The following NHSL1 variants were observed in gnomAD, a reference collection of about 807,000 sequenced individuals.
The protein encoded by NHSL1 is NHS-like protein 1.
In NHSL1, 48 loss-of-function variants were observed where a neutral mutation model predicts 95.0. The ratio of observed to expected loss-of-function variants is 0.51; its 90% confidence interval spans 0.40 to 0.64. NHSL1 has a LOEUF of 0.64. NHSL1 is among the 30% of genes least tolerant of loss of function. The probability of loss-of-function intolerance (pLI) is 0.00; values close to 1 mark genes in which losing one functional copy is unlikely to be tolerated. For synonymous variants in NHSL1, 783 were observed against 833.9 expected (o/e 0.94, Z 1.05); for missense variants, 1,971 against 2,077.7 (o/e 0.95, Z 1.00).
At chr6:138,640,548 A>G (rs983693437) in intron 1 of NHSL1, among the ~76,000 whole-genome samples, 5 of 152,154 alleles carry the variant, frequency 3.3e-5, no homozygotes, top group Admixed American at 6.5e-5. Context: ...ATCCACTTCC[A>G]CTAATGAATA....
intron 1 of NHSL1, among the ~76,000 whole-genome samples, chr6:138,566,398 A>C (rs1284846002): frequency 1.5e-5 from 2 of 136,650 alleles, no homozygotes; most frequent in Admixed American, 1.4e-4. Flanking sequence ...ACTCTGTCTC[A>C]AAATCAATCA....
chr6:138,528,335 T>C (rs1781996720), intron 1 of NHSL1, among the ~76,000 whole-genome samples: 1 of 151,952 alleles, frequency 6.6e-6, no homozygotes, highest in Middle Eastern at 3.2e-3. Flanking sequence ...AGGTCATCTT[T>C]AGAAGAAAAA....
chr6:138,648,631 C>T (rs1018788367), intron 1 of NHSL1, among the ~76,000 whole-genome samples: 1 of 152,186 alleles, frequency 6.6e-6, no homozygotes, highest in Non-Finnish European at 1.5e-5. Context: ...TGCACAGTAT[C>T]GATTCTGCTG....
chr6:138,680,388 G>A (rs1015370543), intron 1 of NHSL1, among the ~76,000 whole-genome samples: 3 of 152,124 alleles, frequency 2.0e-5, no homozygotes, highest in African/African-American at 4.8e-5. Flanking sequence ...CACCAAACAG[G>A]ACTCATGACC....
chr6:138,618,327 C>T (rs182214005), intron 1 of NHSL1, among the ~76,000 whole-genome samples: 21 of 152,314 alleles, frequency 1.4e-4, no homozygotes, highest in Non-Finnish European at 2.6e-4. Context: ...AAAAGCTCCT[C>T]CAACTGGTTG....
intron 7 of NHSL1, among the ~76,000 whole-genome samples, chr6:138,425,934 G>A (rs1216225753): frequency 6.6e-6 from 1 of 151,988 alleles, no homozygotes; most frequent in East Asian, 1.9e-4. Flanking sequence ...GGGGTGGGGT[G>A]GGGTGGGGAA....
intron 1 of NHSL1, among the ~76,000 whole-genome samples, chr6:138,620,771 A>G (rs1050688153): frequency 7.2e-5 from 11 of 152,318 alleles, no homozygotes; most frequent in African/African-American, 2.6e-4. Context: ...TATAACTTCC[A>G]TCTGCCCCAG....
At chr6:138,660,303 C>A (rs1785210259) in intron 1 of NHSL1, among the ~76,000 whole-genome samples, 1 of 152,120 alleles carries the variant, frequency 6.6e-6, no homozygotes, top group South Asian at 2.1e-4. Flanking sequence ...GGTGTGGGAT[C>A]TATTACTTGA....
chr6:138,528,343 A>G (rs979707292), intron 1 of NHSL1, among the ~76,000 whole-genome samples: 5 of 152,172 alleles, frequency 3.3e-5, no homozygotes, highest in African/African-American at 9.7e-5. Flanking sequence ...TTTAGAAGAA[A>G]AAAAAAATCA....
At chr6:138,597,436 T>C (rs1325270059) in intron 1 of NHSL1, among the ~76,000 whole-genome samples, 3 of 152,242 alleles carry the variant, frequency 2.0e-5, no homozygotes, top group South Asian at 2.1e-4. Context: ...GCCTGTGCTA[T>C]TAATCATCAC....
At chr6:138,585,262 G>A (rs1224879479) in intron 1 of NHSL1, among the ~76,000 whole-genome samples, 2 of 152,116 alleles carry the variant, frequency 1.3e-5, no homozygotes, top group Non-Finnish European at 2.9e-5. Context: ...TTCCCATCAG[G>A]AAAATATTTC....
intron 2 of NHSL1, among the ~76,000 whole-genome samples, chr6:138,475,466 G>A (rs541583924): frequency 1.1e-4 from 16 of 152,106 alleles, no homozygotes; most frequent in Non-Finnish European, 1.6e-4. Flanking sequence ...GGACTCAAGC[G>A]ATCCTTCCAC....
At position 138,424,880 on chromosome 6, in the gene NHSL1, C is replaced by T; in HGVS notation, c.4086-64G>A. The T allele has an allele frequency of 7.6e-7, 1 of 1,321,520 alleles. No homozygotes were observed. The highest frequency in any genetic ancestry group is 1.0e-6 in the Non-Finnish European group (1 of 967,196). The allele number at this position is 1,321,520 out of a possible 1,614,324, so 81.9% of individuals were successfully genotyped here. ...CGGGACCACAGGCTGTCAGCCACAACCACTCTGCTCTTATCGCATCTTCAG... is the reference window on the plus strand; with the variant it reads ...CGGGACCACAGGCTGTCAGCCACAATCACTCTGCTCTTATCGCATCTTCAG... On this transcript the variant is annotated intron_variant, in intron 7 of 7. Coordinates refer to ENST00000343505, the MANE Select transcript of NHSL1 (RefSeq NM_001144060.2). The surrounding 1 kb of genome is among the most constrained non-coding windows in gnomAD (Gnocchi z 5.9).
rs1389033754 is a variant in NHSL1 at position 138,424,248 on chromosome 6, G to A, written c.4654C>T (p.Leu1552=). Residue 1552 remains leucine (L), a synonymous_variant, in exon 8 of 8, where the codon CTG becomes TTG. Transcript: ENST00000343505. This position sits in a 1 kb window ranked among gnomAD's most constrained non-coding sequence, Gnocchi z 5.9. ...ATCTCCTCCCTCGCCAGTCCGTCCAGGGAACATCCCTCCGCAGCGCCCAGA... is the reference window on the plus strand; with the variant it reads ...ATCTCCTCCCTCGCCAGTCCGTCCAAGGAACATCCCTCCGCAGCGCCCAGA... ...GALGAAEGCS[L]DGLAREEMDE... is the part of the protein sequence containing the mutation. 1 of 1,506,544 alleles carries A rather than the reference G, an allele frequency of 6.6e-7. No individual in the cohort carries two copies. The highest frequency in any genetic ancestry group is 2.2e-5 in the Admixed American group (1 of 44,870). 93.3% of individuals were successfully genotyped at this position (1,506,544 alleles called of 1,614,324 possible).
Position 138,583,779 on chromosome 6 carries a change from T to C in NHSL1, c.97-87408A>G, listed in dbSNP as rs1784094750. On this transcript the variant is annotated intron_variant, in intron 1 of 3. Transcript: ENST00000491526. ...CATAATCTAATCTGGCTTGATTAGA[T>C]ACAGAGCCAGAGAGCATATATTTTA... Among the ~76,000 whole-genome samples, 3 of 152,168 alleles carry C rather than the reference T, an allele frequency of 2.0e-5. No homozygotes were observed. In the South Asian group the frequency reaches 6.2e-4, roughly 32 times the overall value.
At chr6:138,464,715 C>CTTTTTTTTTTTTTTTTT (rs1157342436) in intron 3 of NHSL1, among the ~76,000 whole-genome samples, 10 of 119,020 alleles carry the variant, frequency 8.4e-5, no homozygotes, top group African/African-American at 1.4e-4. Context: ...TTTTTCTTTT[C>CTTTTTTTTTTTTTTTTT]TTTTTTTTTT....
intron 2 of NHSL1, among the ~76,000 whole-genome samples, chr6:138,482,590 C>T (rs1034179812): frequency 2.6e-5 from 4 of 152,062 alleles, no homozygotes; most frequent in Non-Finnish European, 4.4e-5. Flanking sequence ...GTGCTTTGGC[C>T]AGCCATTTTT....
At chr6:138,478,591 A>G (rs1176312810) in intron 2 of NHSL1, among the ~76,000 whole-genome samples, 1 of 152,214 alleles carries the variant, frequency 6.6e-6, no homozygotes, top group Non-Finnish European at 1.5e-5. Flanking sequence ...CATCACGAAT[A>G]AGCAAAGACT....
At chr6:138,579,878 G>T (rs1052942725) in intron 1 of NHSL1, among the ~76,000 whole-genome samples, 3 of 152,074 alleles carry the variant, frequency 2.0e-5, no homozygotes, top group African/African-American at 4.8e-5. Flanking sequence ...TGCTTACACC[G>T]AATATATCTG....
Sources: allele counts gnomAD v4.1 joint callset (sites outside exome capture counted in the v4.1 genomes callset), GRCh38; gene constraint gnomAD v4.1.1; non-coding constraint Gnocchi (gnomAD v3.1); transcripts MANE v1.5; gene names NCBI Gene and HGNC (gene_info 2026-07-23, HGNC 2026-07-21).